TMX2: variants seen among roughly 807,000 people sequenced by gnomAD.
The protein encoded by TMX2 is thioredoxin related transmembrane protein 2, also known as thioredoxin-related transmembrane protein 2.
Under a neutral mutation model 33.4 loss-of-function variants are expected in TMX2, and 20 were observed. The observed-to-expected ratio is 0.60, with a 90% confidence interval of 0.42 to 0.87. The LOEUF (loss-of-function observed/expected upper bound fraction) is 0.87. Among genes scored for constraint, TMX2 ranks in the 40% least tolerant of loss-of-function variants. The pLI is 0.00. For synonymous variants in TMX2, 166 were observed against 140.7 expected (o/e 1.18, Z -1.27); for missense variants, 340 against 370.7 (o/e 0.92, Z 0.68).
At chr11:57,726,096 A>G (rs939309866) in intron 1 of TMX2, among the ~76,000 whole-genome samples, 2 of 152,160 alleles carry the variant, frequency 1.3e-5, no homozygotes, top group African/African-American at 4.8e-5. Flanking sequence ...CCAAGCTTAC[A>G]GTAGCTCCAC....
intron 1 of TMX2, among the ~76,000 whole-genome samples, chr11:57,723,038 A>G (rs926184434): frequency 6.6e-6 from 1 of 151,520 alleles, no homozygotes; most frequent in African/African-American, 2.4e-5. Context: ...TTGAACCCGG[A>G]AAGCAGAGGT....
In TMX2 at chr11:57,738,147, A is replaced by G; in HGVS notation, c.364+121A>G. ...ACATGTTTCTCCATACCCTTCTTCC[A>G]TATCTCATACCTAATGAATTATATA... On this transcript the variant is annotated intron_variant, in intron 3 of 7. Coordinates refer to ENST00000278422, the MANE Select transcript of TMX2 (RefSeq NM_015959.4). 4 of 803,304 alleles carry G rather than the reference A, an allele frequency of 5.0e-6. No homozygotes were observed. In the South Asian group the frequency reaches 6.9e-5, roughly 14 times the overall value. 49.8% of individuals were successfully genotyped at this position (803,304 alleles called of 1,614,324 possible).
intron 1 of TMX2, chr11:57,718,170 AACCACTC>A (rs1262008168): frequency 8.0e-7 from 1 of 1,252,002 alleles, no homozygotes; most frequent in Non-Finnish European, 1.2e-6. Context: ...CTTGCCATCC[AACCACTC>A]ACTCTTGGCA....
intron 1 of TMX2, among the ~76,000 whole-genome samples, chr11:57,733,593 G>A (rs1451412120): frequency 2.0e-5 from 3 of 151,836 alleles, no homozygotes; most frequent in African/African-American, 7.3e-5. Context: ...GATATAGCTG[G>A]AATTTGCTTA....
intron 4 of TMX2, 104 bp downstream of exon 4, chr11:57,738,534 C>A (rs1948887856): frequency 8.2e-7 from 1 of 1,214,282 alleles, no homozygotes; most frequent in Non-Finnish European, 1.2e-6. Flanking sequence ...AAATGGATGT[C>A]ACGGGCACTG....
intron 7 of TMX2, 145 bp from the exon 8 acceptor site, chr11:57,739,954 C>G (rs992428915): frequency 1.7e-5 from 18 of 1,064,542 alleles, no homozygotes; most frequent in Non-Finnish European, 2.4e-5. Flanking sequence ...TTTCTGGGTA[C>G]CTAAAAAAGA....
intron 1 of TMX2, among the ~76,000 whole-genome samples, chr11:57,727,001 T>C (rs1176110059): frequency 6.6e-6 from 1 of 152,216 alleles, no homozygotes; most frequent in Non-Finnish European, 1.5e-5. Context: ...CCTCAGATTC[T>C]ACCTATAACC....
intron 7 of TMX2, 88 bp downstream of exon 7, chr11:57,739,348 C>T (rs1948943175): frequency 7.0e-7 from 1 of 1,421,538 alleles, no homozygotes; most frequent in Admixed American, 1.7e-5. Flanking sequence ...ACAGCTCTGC[C>T]ACTTGCCCAT....
intron 1 of TMX2, among the ~76,000 whole-genome samples, chr11:57,722,083 C>G (rs1314908846): frequency 2.0e-5 from 3 of 152,166 alleles, no homozygotes; most frequent in Admixed American, 1.3e-4. Context: ...ACAGCCTCAA[C>G]CTGCTGCACT....
Position 57,740,327 on chromosome 11 carries a change from T to G in TMX2, c.*82T>G, listed in dbSNP as rs866696924. 1 of 1,458,598 alleles carries G rather than the reference T, an allele frequency of 6.9e-7. No homozygotes were observed. The highest frequency in any genetic ancestry group is 9.1e-7 in the Non-Finnish European group (1 of 1,101,756). The allele number at this position is 1,458,598 out of a possible 1,614,324, so 90.4% of individuals were successfully genotyped here. A position where few individuals can be genotyped will look rare whatever the true frequency, so the allele number is the denominator to read the frequency against. ...ACAAGCCTGAGGCTGCAGCCTTTTA[T>G]TTATGTTTTCCCTTTGGCTGTGACT... is the stretch of plus-strand genomic sequence containing the variant. On this transcript the variant is annotated 3_prime_UTR_variant, in exon 8 of 8. Coordinates refer to ENST00000278422, the MANE Select transcript of TMX2 (RefSeq NM_015959.4).
intron 1 of TMX2, among the ~76,000 whole-genome samples, chr11:57,733,642 A>G (rs1012132997): frequency 2.0e-5 from 3 of 152,212 alleles, no homozygotes; most frequent in Non-Finnish European, 4.4e-5. Flanking sequence ...GCATATATGA[A>G]TTGGAAATCA....
chr11:57,722,751 T>C (rs1947719316), intron 1 of TMX2, among the ~76,000 whole-genome samples: 1 of 152,238 alleles, frequency 6.6e-6, no homozygotes, highest in African/African-American at 2.4e-5. Context: ...CTCAAGTTTT[T>C]TTTTCCCCCA....
At chr11:57,724,290 T>C (rs558931900) in intron 1 of TMX2, among the ~76,000 whole-genome samples, 12 of 152,218 alleles carry the variant, frequency 7.9e-5, no homozygotes, top group African/African-American at 2.9e-4. Flanking sequence ...CTCTTTGCCC[T>C]GAGAAGGGAA....
intron 1 of TMX2, among the ~76,000 whole-genome samples, chr11:57,736,956 C>A (rs1172350706): frequency 6.6e-6 from 1 of 151,850 alleles, no homozygotes; most frequent in African/African-American, 2.4e-5. Context: ...AGAAAACTTA[C>A]CTGGAAAAGT....
intron 1 of TMX2, among the ~76,000 whole-genome samples, chr11:57,719,015 C>A (rs1407041704): frequency 7.1e-6 from 1 of 140,990 alleles, no homozygotes; most frequent in Non-Finnish European, 1.5e-5. Context: ...AGCTGATATT[C>A]AGGCCATATA....
chr11:57,718,474 G>C (rs1008826639), intron 1 of TMX2: 1 of 981,038 alleles, frequency 1.0e-6, no homozygotes, highest in African/African-American at 1.6e-5. Flanking sequence ...GCTCGAAGGA[G>C]ATGCGGCCCA....
intron 1 of TMX2, among the ~76,000 whole-genome samples, chr11:57,723,131 TAAAC>T (rs1336864809): frequency 2.7e-5 from 4 of 150,260 alleles, no homozygotes; most frequent in African/African-American, 7.5e-5. Flanking sequence ...AATAAATAAA[TAAAC>T]ACACGGATGT....
intron 4 of TMX2, 39 bp from the exon 5 acceptor site, chr11:57,738,625 A>T (rs372572707): frequency 6.5e-7 from 1 of 1,541,422 alleles, no homozygotes; most frequent in African/African-American, 1.4e-5. Flanking sequence ...CCAGGAGGCT[A>T]TGTGGATCCA....
chr11:57,730,566 G>A (rs186371105), intron 1 of TMX2, among the ~76,000 whole-genome samples: 4 of 146,872 alleles, frequency 2.7e-5, no homozygotes, highest in Admixed American at 6.9e-5. Flanking sequence ...GCAAAACTCC[G>A]TCTCTACTAA....
Sources: allele counts gnomAD v4.1 joint callset (sites outside exome capture counted in the v4.1 genomes callset), GRCh38; gene constraint gnomAD v4.1.1; transcripts MANE v1.5; gene names NCBI Gene and HGNC (gene_info 2026-07-23, HGNC 2026-07-21).